The following COL15A1 variants were observed in gnomAD, a reference collection of about 807,000 sequenced individuals.
COL15A1 encodes collagen type XV alpha 1 chain.
In COL15A1, 111 loss-of-function variants were observed where a neutral mutation model predicts 165.9. The observed-to-expected ratio is 0.67, with a 90% CI of 0.57 to 0.78. The LOEUF (loss-of-function observed/expected upper bound fraction) is 0.78. Ranked by LOEUF, COL15A1 falls within the 30% of genes least tolerant of loss-of-function variation. COL15A1 has a pLI of 0.00. For synonymous variants in COL15A1, 659 were observed against 674.8 expected, an observed-to-expected ratio of 0.98 and a Z score of 0.36; for missense variants, 1,745 against 1,789.7, an observed-to-expected ratio of 0.98 and a Z score of 0.45.
In COL15A1 at chr9:98,944,163, A is replaced by AG. The variant is rs758301996; in HGVS notation, c.15dup (p.Asn6GlufsTer107). ...TTCTCCCTCGGGCACATCTTGCAGG[A>AG]GGAACAACGGGCAGTGCTGGTGTCT... On this transcript the variant is annotated frameshift_variant and splice_region_variant, in exon 2 of 42. Coordinates refer to ENST00000375001, the MANE Select transcript of COL15A1 (RefSeq NM_001855.5). LOFTEE classifies it high-confidence loss of function. 12 of 1,613,978 alleles carry AG rather than the reference A, an allele frequency of 7.4e-6. No homozygotes were observed. Among genetic ancestry groups the AG allele is most frequent in the South Asian group, 1.1e-5 (1 of 91,060 alleles).
At chr9:99,040,224 A>G (rs1839377445) in intron 22 of COL15A1, among the ~76,000 whole-genome samples, 1 of 152,236 alleles carries the variant, frequency 6.6e-6, no homozygotes, top group Non-Finnish European at 1.5e-5. Context: ...AGCAAAACAC[A>G]GAGAGACTAA....
intron 14 of COL15A1, among the ~76,000 whole-genome samples, chr9:99,023,799 C>A (rs375067992): frequency 6.6e-6 from 1 of 152,168 alleles, no homozygotes; most frequent in Non-Finnish European, 1.5e-5. Flanking sequence ...CCCTCCCCCT[C>A]CTCTCACCCT....
intron 16 of COL15A1, among the ~76,000 whole-genome samples, chr9:99,033,173 C>A (rs1839236434): frequency 1.3e-5 from 2 of 152,148 alleles, no homozygotes; most frequent in Admixed American, 1.3e-4. Flanking sequence ...TGGGCAGTAG[C>A]CCCTTCTGAG....
chr9:99,064,054 C>T (rs1329411688), intron 39 of COL15A1, among the ~76,000 whole-genome samples: 5 of 152,140 alleles, frequency 3.3e-5, no homozygotes, highest in Admixed American at 3.3e-4. Flanking sequence ...CTCTATTAGT[C>T]TGCTTTGCTC....
rs751357489 is a variant in COL15A1, at chr9:99,044,855, G to C, written c.2679+85G>C. 10 of 1,305,314 alleles carry C rather than the reference G, an allele frequency of 7.7e-6. No individual in the cohort carries two copies. In the Admixed American group the frequency reaches 1.4e-4, roughly 19 times the overall value. 80.9% of individuals were successfully genotyped at this position (1,305,314 alleles called of 1,614,324 possible). Reference sequence around the variant, plus strand: ...TGATTTGGTTAGATTTAGTTGTCCCGGTTATGAAAATTCAAAGATGTGGCA... The same window carrying C: ...TGATTTGGTTAGATTTAGTTGTCCCCGTTATGAAAATTCAAAGATGTGGCA... On this transcript the variant is annotated intron_variant, in intron 26 of 41. Transcript: ENST00000375001.
At position 99,070,744 on chromosome 9, in the gene COL15A1, C is replaced by T. The variant is rs1247869084; in HGVS notation, c.*858C>T. 8.5e-6 allele frequency: 3 copies of T among 352,428 alleles called. No individual in the cohort carries two copies. The highest frequency in any genetic ancestry group is 3.8e-5 in the Admixed American group (1 of 26,662). The allele number at this position is 352,428 out of a possible 1,614,324, so 21.8% of individuals were successfully genotyped here. ...ATGTTGTATAATTGGATTTTTTTTC[C>T]ATGTAAGTGAACATAAAAACATCTT... is the stretch of plus-strand genomic sequence containing the variant. On this transcript the variant is annotated 3_prime_UTR_variant, in exon 42 of 42. Coordinates refer to ENST00000375001, the MANE Select transcript of COL15A1 (RefSeq NM_001855.5).
intron 2 of COL15A1, among the ~76,000 whole-genome samples, chr9:98,963,311 C>T (rs1172095661): frequency 6.6e-6 from 1 of 152,198 alleles, no homozygotes; most frequent in African/African-American, 2.4e-5. Context: ...TCAGAACCCA[C>T]TGGGAACCTG....
At chr9:99,041,930 A>AC in intron 23 of COL15A1, 115 bp from the exon 24 acceptor site, 1 of 663,752 alleles carries the variant, frequency 1.5e-6, no homozygotes, top group Non-Finnish European at 2.6e-6. Context: ...CATGACTTCC[A>AC]CCTACCTGGG....
At chr9:98,945,150 T>C (rs1837558251) in intron 2 of COL15A1, among the ~76,000 whole-genome samples, 1 of 152,276 alleles carries the variant, frequency 6.6e-6, no homozygotes, top group Admixed American at 6.5e-5. Context: ...TACTGCTTGA[T>C]TCTTGCAGTA....
chr9:99,042,124 T>A lies in COL15A1; in HGVS notation c.2574+17T>A, dbSNP rs747332952. 9 of 1,591,344 alleles carry A rather than the reference T, an allele frequency of 5.7e-6. No individual in the cohort carries two copies. In the South Asian group the frequency reaches 1.0e-4, roughly 18 times the overall value. The stretch of plus-strand genomic sequence containing the variant: ...GGAGAACAGGTAAGAGGGGCCCAGG[T>A]ATCTGAGTGAGATTGGGCGCTGGAA... On this transcript the variant is annotated intron_variant, in intron 24 of 41. Coordinates refer to ENST00000375001, the MANE Select transcript of COL15A1 (RefSeq NM_001855.5).
At chr9:99,009,093 C>T (rs896915773) in intron 9 of COL15A1, among the ~76,000 whole-genome samples, 3 of 152,160 alleles carry the variant, frequency 2.0e-5, no homozygotes, top group Non-Finnish European at 4.4e-5. Flanking sequence ...TTCATGGGAG[C>T]CTTGGAAGTT....
At chr9:99,060,330 C>T (rs1297668172) in intron 36 of COL15A1, among the ~76,000 whole-genome samples, 9 of 149,704 alleles carry the variant, frequency 6.0e-5, no homozygotes, top group East Asian at 3.9e-4. Flanking sequence ...GGTGAGATCA[C>T]GGCTCACTGC....
Position 98,986,034 on chromosome 9 carries a change from C to T in COL15A1, c.570C>T (p.Ser190=), listed in dbSNP as rs948226567. The part of the protein sequence containing the change: ...EEHSRIPFQR[S]SQALAFESSA... ...ACAGCCGCATCCCCTTCCAGCGGTC[C>T]TCCCAGGCTTTGGCTTTTGAGTCCA... is the stretch of plus-strand genomic sequence containing the variant. The change falls in exon 3 of 42, where the codon TCC becomes TCT. Residue 190 remains serine (S), a synonymous_variant. Transcript: ENST00000375001. The T allele has an allele frequency of 2.5e-5, 40 of 1,614,022 alleles. No individual in the cohort carries two copies. Among genetic ancestry groups the T allele is most frequent in the Non-Finnish European group, 3.3e-5 (39 of 1,180,042 alleles).
rs1838333490 is a variant in COL15A1 at position 98,987,350 on chromosome 9, T to A, written c.705T>A (p.Cys235Ter). The A allele has an allele frequency of 1.2e-6, 2 of 1,613,256 alleles. No homozygotes were observed. The highest frequency in any genetic ancestry group is 1.7e-6 in the Non-Finnish European group (2 of 1,179,708). Residue 235 changes from cysteine to a stop codon, truncating the protein, a stop_gained, in exon 4 of 42, where the codon TGT becomes TGA. Transcript: ENST00000375001. LOFTEE classifies it high-confidence loss of function. The stretch of plus-strand genomic sequence containing the variant: ...ACCCCAGGACTCCCGAGGAGCTGTG[T>A]GACCCTGAAGAGTCCTCGGTGAGCT... ...HPDPRTPEEL[C>*]DPEESSASGE...
In COL15A1 at chr9:99,054,558, G is replaced by A; in HGVS notation, c.2951-18G>A. ...GTGATTTTCCATTTTTTTTTAACAT[G>A]TATGTGTTTGGTGGCAGGTGTTAAA... On this transcript the variant is annotated intron_variant, in intron 31 of 41. Transcript: ENST00000375001. 6.3e-7 allele frequency: 1 copy of A among 1,592,370 alleles called. No individual in the cohort carries two copies. Among genetic ancestry groups the A allele is most frequent in the African/African-American group, 1.4e-5 (1 of 73,160 alleles).
intron 24 of COL15A1, among the ~76,000 whole-genome samples, chr9:99,044,017 A>G (rs1288326655): frequency 1.3e-5 from 2 of 152,182 alleles, no homozygotes; most frequent in African/African-American, 2.4e-5. Context: ...ATATGGAGAC[A>G]TAAGGCCTCC....
intron 7 of COL15A1, among the ~76,000 whole-genome samples, chr9:99,003,042 C>T (rs1389786898): frequency 6.6e-6 from 1 of 152,258 alleles, no homozygotes; most frequent in Non-Finnish European, 1.5e-5. Context: ...ATGTCTCTGT[C>T]TCCCAGCCTA....
intron 16 of COL15A1, among the ~76,000 whole-genome samples, chr9:99,033,357 A>T (rs1205853919): frequency 7.3e-6 from 1 of 136,068 alleles, no homozygotes; most frequent in Non-Finnish European, 1.6e-5. Flanking sequence ...TCTAAAATTA[A>T]GGTATCCATA....
At chr9:99,061,941 G>A (rs753962040) in intron 36 of COL15A1, 30 bp from the exon 37 acceptor site, 1 of 1,601,764 alleles carries the variant, frequency 6.2e-7, no homozygotes, top group South Asian at 1.1e-5. Context: ...AATGATAATG[G>A]CAGTGTTTGG....
Sources: allele counts gnomAD v4.1 joint callset (sites outside exome capture counted in the v4.1 genomes callset), GRCh38; gene constraint gnomAD v4.1.1; transcripts MANE v1.5; gene names NCBI Gene and HGNC (gene_info 2026-07-23, HGNC 2026-07-21).